The following CNTN5 variants were observed in gnomAD, a reference collection of about 807,000 sequenced individuals.
The protein encoded by CNTN5 is contactin 5, also known as contactin-5.
A neutral mutation model predicts 129.1 loss-of-function variants in CNTN5; 77 were observed. The observed-to-expected ratio is 0.60, with a 90% CI of 0.50 to 0.72. The LOEUF (loss-of-function observed/expected upper bound fraction) is 0.72, where lower values mean the gene tolerates loss of function less well. Among genes scored for constraint, CNTN5 ranks in the 30% least tolerant of loss-of-function variants. CNTN5 has a pLI of 0.00. For synonymous variants in CNTN5, 509 were observed against 465.6 expected (o/e 1.09, Z -1.20); for missense variants, 1,478 against 1,328.8 (o/e 1.11, Z -1.75).
intron 1 of CNTN5, among the ~76,000 whole-genome samples, chr11:99,140,617 T>C (rs1859467386): frequency 1.3e-5 from 2 of 152,176 alleles, no homozygotes; most frequent in South Asian, 4.1e-4. Flanking sequence ...CAGTATGATA[T>C]TAGCTATGGA....
intron 15 of CNTN5, among the ~76,000 whole-genome samples, chr11:100,223,458 G>A (rs1949309342): frequency 1.3e-5 from 2 of 152,044 alleles, no homozygotes; most frequent in Admixed American, 1.3e-4. Flanking sequence ...AAGAGAAAAA[G>A]AAAATTCAAA....
chr11:100,276,315 G>A (rs1950509333), intron 18 of CNTN5, among the ~76,000 whole-genome samples: 1 of 151,988 alleles, frequency 6.6e-6, no homozygotes, highest in South Asian at 2.1e-4. Flanking sequence ...TGAAGCATAG[G>A]TATCATCTGA....
At chr11:99,822,320 A>G (rs896733587) in intron 4 of CNTN5, among the ~76,000 whole-genome samples, 1 of 152,168 alleles carries the variant, frequency 6.6e-6, no homozygotes, top group East Asian at 1.9e-4. Context: ...TCTTCACCAC[A>G]ATATGTTTAA....
chr11:99,501,889 C>T (rs1946439804), intron 2 of CNTN5, among the ~76,000 whole-genome samples: 1 of 152,186 alleles, frequency 6.6e-6, no homozygotes, highest in Non-Finnish European at 1.5e-5. Flanking sequence ...GACTCATAGG[C>T]ATTTAGTGAT....
At chr11:99,759,967 A>AT (rs1294981502) in intron 3 of CNTN5, among the ~76,000 whole-genome samples, 1 of 151,998 alleles carries the variant, frequency 6.6e-6, no homozygotes, top group African/African-American at 2.4e-5. Flanking sequence ...GTGGAGTGAA[A>AT]TGATACTTCA....
At chr11:99,092,679 G>A (rs1007976100) in intron 1 of CNTN5, among the ~76,000 whole-genome samples, 1 of 151,956 alleles carries the variant, frequency 6.6e-6, no homozygotes, top group Non-Finnish European at 1.5e-5. Context: ...TGATACTTAT[G>A]TACATCTACA....
chr11:100,080,793 A>C (rs7945423), intron 13 of CNTN5, among the ~76,000 whole-genome samples: 2 of 151,976 alleles, frequency 1.3e-5, no homozygotes, highest in Admixed American at 6.6e-5. Context: ...GTATAATGAA[A>C]GAAAATTAGC....
intron 8 of CNTN5, among the ~76,000 whole-genome samples, chr11:99,962,692 C>G (rs900337342): frequency 1.3e-5 from 2 of 150,962 alleles, no homozygotes; most frequent in African/African-American, 4.9e-5. Context: ...ATGGCTGGGT[C>G]AAATGGTATT....
chr11:99,776,884 G>A (rs1945142709), intron 3 of CNTN5, among the ~76,000 whole-genome samples: 1 of 151,702 alleles, frequency 6.6e-6, no homozygotes. Flanking sequence ...TCTAGCAACT[G>A]GTAAAGTTCA....
At chr11:99,123,778 T>C (rs1309678955) in intron 1 of CNTN5, among the ~76,000 whole-genome samples, 1 of 152,082 alleles carries the variant, frequency 6.6e-6, no homozygotes, top group African/African-American at 2.4e-5. Flanking sequence ...TAGCCAGTTA[T>C]CCTAGCACAG....
At chr11:99,876,896 T>A (rs911843559) in intron 6 of CNTN5, among the ~76,000 whole-genome samples, 6 of 152,200 alleles carry the variant, frequency 3.9e-5, no homozygotes, top group Non-Finnish European at 7.3e-5. Context: ...GCATCACCAA[T>A]TGTGTAATAG....
rs1420722654 is a variant in CNTN5 at position 99,342,739 on chromosome 11, AAG to A, written c.-71+17257_-71+17258del. On this transcript the variant is annotated intron_variant, in intron 2 of 24. Transcript: ENST00000524871. ...GAGGGAAAGCTTATCTGAAAAAAGA[AAG>A]AAAGAAAGAAAGAAAGCAGATGGAT... Among the ~76,000 whole-genome samples, 4 of 151,946 alleles carry A rather than the reference AAG, an allele frequency of 2.6e-5. No homozygotes were observed. In the East Asian group the frequency reaches 7.7e-4, roughly 29 times the overall value.
rs58710723 is a variant in CNTN5, at chr11:99,342,571, C to CAAAAAAAAAAAA, written c.-71+17107_-71+17118dup. 6.1e-4 allele frequency among the ~76,000 whole-genome samples: 15 copies of CAAAAAAAAAAAA among 24,492 alleles called. 3 individuals are homozygous for CAAAAAAAAAAAA. The highest frequency in any genetic ancestry group is 6.4e-4 in the Non-Finnish European group (10 of 15,614). 16.1% of individuals were successfully genotyped at this position (24,492 alleles called of 152,430 possible). ...GCAACATGGCGAAACCCCGTTATCT[C>CAAAAAAAAAAAA]AAAAAAAAAAAAAAAAAAAAAAAAA... On this transcript the variant is annotated intron_variant, in intron 2 of 24. Transcript: ENST00000524871.
At chr11:99,449,021 G>A (rs554783735) in intron 2 of CNTN5, among the ~76,000 whole-genome samples, 6 of 152,000 alleles carry the variant, frequency 3.9e-5, no homozygotes, top group African/African-American at 9.6e-5. Flanking sequence ...GAGCTCAAGC[G>A]ATTCGCCTGT....
rs189626670 is a variant in CNTN5, at chr11:99,657,365, T to C, written c.55+101096T>C. Among the ~76,000 whole-genome samples the C allele has an allele frequency of 5.7e-4, 87 of 151,734 alleles. 1 individual carries two copies. Among genetic ancestry groups the C allele is most frequent in the Non-Finnish European group, 1.0e-4 (7 of 67,720 alleles). ...TTTTGGGAATTTGGGGGTTTGGGGGTTTCCATATCCAATTCCATATGGTCT... is the reference window on the plus strand; with the variant it reads ...TTTTGGGAATTTGGGGGTTTGGGGGCTTCCATATCCAATTCCATATGGTCT... On this transcript the variant is annotated intron_variant, in intron 3 of 24. Coordinates refer to ENST00000524871, the MANE Select transcript of CNTN5 (RefSeq NM_014361.4).
intron 1 of CNTN5, among the ~76,000 whole-genome samples, chr11:99,317,211 G>C (rs1865380100): frequency 6.6e-6 from 1 of 152,090 alleles, no homozygotes; most frequent in Non-Finnish European, 1.5e-5. Flanking sequence ...TAACAAAGTT[G>C]GGCTGGGAGT....
chr11:99,866,126 A>T (rs1264315611), intron 6 of CNTN5, among the ~76,000 whole-genome samples: 1 of 152,170 alleles, frequency 6.6e-6, no homozygotes, highest in African/African-American at 2.4e-5. Flanking sequence ...AATAAGAGGA[A>T]ATGTGATCTC....
chr11:100,026,546 T>A (rs1183193489), intron 9 of CNTN5, among the ~76,000 whole-genome samples: 1 of 152,230 alleles, frequency 6.6e-6, no homozygotes, highest in Non-Finnish European at 1.5e-5. Flanking sequence ...TGCCAGCATT[T>A]GGTGTTGTCC....
chr11:100,340,047 G>A (rs1242049942), intron 21 of CNTN5, among the ~76,000 whole-genome samples: 1 of 152,116 alleles, frequency 6.6e-6, no homozygotes, highest in Non-Finnish European at 1.5e-5. Flanking sequence ...TTTATGTGAA[G>A]CTCAAGAGGA....
Sources: gnomAD v4.1 joint callset for allele counts (sites outside exome capture counted in the v4.1 genomes callset) on GRCh38, gnomAD v4.1.1 for gene constraint, MANE v1.5 for transcripts, NCBI Gene and HGNC (gene_info 2026-07-23, HGNC 2026-07-21) for gene names.